KCNB2: variants seen among roughly 807,000 people sequenced by gnomAD.
KCNB2 encodes delayed rectifier potassium channel protein.
KCNB2 carries 15 observed loss-of-function variants against 61.5 expected under a neutral mutation model. That is an observed-to-expected ratio of 0.24 (90% CI 0.16 to 0.38). KCNB2 has a LOEUF of 0.38. Ranked by LOEUF, KCNB2 falls within the 10% of genes least tolerant of loss-of-function variation. The pLI is 1.00. For missense variants in KCNB2, 828 were observed against 1,125.2 expected (o/e 0.74, Z 3.78); for synonymous variants, 457 against 446.0 (o/e 1.02, Z -0.31).
intron 2 of KCNB2, among the ~76,000 whole-genome samples, chr8:72,782,671 C>A (rs1167863232): frequency 2.0e-5 from 3 of 152,258 alleles, no homozygotes; most frequent in South Asian, 2.1e-4. Context: ...TTTCCATCCA[C>A]TTTTTCTGAA....
intron 2 of KCNB2, among the ~76,000 whole-genome samples, chr8:72,761,532 C>A (rs1179800385): frequency 2.0e-5 from 3 of 152,148 alleles, no homozygotes. Context: ...TTGCTGGAAC[C>A]TTCAGGGAGG....
intron 2 of KCNB2, among the ~76,000 whole-genome samples, chr8:72,921,406 A>C (rs13276074): frequency 6.6e-6 from 1 of 151,914 alleles, no homozygotes; most frequent in South Asian, 2.1e-4. Flanking sequence ...CTGCCACCAC[A>C]TTTCAGCAGG....
At chr8:72,610,720 TA>T (rs1805524164) in intron 2 of KCNB2, among the ~76,000 whole-genome samples, 1 of 152,178 alleles carries the variant, frequency 6.6e-6, no homozygotes, top group Non-Finnish European at 1.5e-5. Flanking sequence ...CAGACATCAT[TA>T]AATTAAAAAC....
At chr8:72,595,786 C>T (rs918789511) in intron 2 of KCNB2, among the ~76,000 whole-genome samples, 4 of 152,172 alleles carry the variant, frequency 2.6e-5, no homozygotes, top group African/African-American at 7.2e-5. Flanking sequence ...ATTTAATGGT[C>T]TCAAGCAGGA....
intron 2 of KCNB2, among the ~76,000 whole-genome samples, chr8:72,763,543 A>G (rs551247736): frequency 9.9e-4 from 151 of 152,298 alleles, no homozygotes; most frequent in African/African-American, 3.4e-3. Flanking sequence ...CATTTGCTGA[A>G]ACACAAAACC....
chr8:72,916,951 A>T (rs1277198192), intron 2 of KCNB2, among the ~76,000 whole-genome samples: 3 of 152,084 alleles, frequency 2.0e-5, no homozygotes, highest in Non-Finnish European at 2.9e-5. Flanking sequence ...ACGATGGGAG[A>T]TGGGGCAGAC....
intron 2 of KCNB2, among the ~76,000 whole-genome samples, chr8:72,575,420 C>T (rs1423526395): frequency 6.6e-6 from 1 of 151,962 alleles, no homozygotes. Context: ...ATTTTGAATG[C>T]CACTGATATT....
chr8:72,566,507 C>T (rs1015157845), intron 1 of KCNB2, among the ~76,000 whole-genome samples: 4 of 150,224 alleles, frequency 2.7e-5, no homozygotes, highest in African/African-American at 9.8e-5. Context: ...TCAGACCAGC[C>T]TGGGAAATAT....
At chr8:72,610,707 A>G (rs770689876) in intron 2 of KCNB2, among the ~76,000 whole-genome samples, 1 of 152,216 alleles carries the variant, frequency 6.6e-6, no homozygotes, top group Admixed American at 6.5e-5. Flanking sequence ...TGGTTACGGA[A>G]TTCAGACATC....
In KCNB2 at chr8:72,904,299, T is replaced by C. The variant is rs375253157; in HGVS notation, c.580-31636T>C. Among the ~76,000 whole-genome samples the C allele has an allele frequency of 7.2e-5, 11 of 152,294 alleles. No homozygotes were observed. The East Asian group carries it at 1.2e-3, about 16-fold the overall frequency. On this transcript the variant is annotated intron_variant, in intron 2 of 2. Transcript: ENST00000523207. ...AGTTATTCACTTTTCTGTATAATAT[T>C]AACTTCACCCCATTTTTCCTCTGCA...
intron 1 of KCNB2, among the ~76,000 whole-genome samples, chr8:72,567,057 C>T (rs531969856): frequency 4.7e-4 from 71 of 152,080 alleles, no homozygotes; most frequent in African/African-American, 1.6e-3. Context: ...TGCAGCGGCT[C>T]ACCCTGTAAT....
At chr8:72,933,415 T>C (rs558576070) in intron 2 of KCNB2, among the ~76,000 whole-genome samples, 3 of 152,316 alleles carry the variant, frequency 2.0e-5, no homozygotes, top group Admixed American at 1.3e-4. Context: ...TCTACTTCTC[T>C]CCTCTCTTTG....
At chr8:72,587,381 G>A (rs894572655) in intron 2 of KCNB2, among the ~76,000 whole-genome samples, 8 of 152,078 alleles carry the variant, frequency 5.3e-5, no homozygotes, top group African/African-American at 1.9e-4. Context: ...AAGAAGCAGC[G>A]AATGACTTTG....
At chr8:72,684,175 A>G (rs1806809732) in intron 2 of KCNB2, among the ~76,000 whole-genome samples, 2 of 152,216 alleles carry the variant, frequency 1.3e-5, no homozygotes, top group African/African-American at 4.8e-5. Context: ...ATTGACCATG[A>G]GACATGAAGA....
rs530595301 is a variant in KCNB2 at position 72,639,280 on chromosome 8, A to C, written c.579+70967A>C. 2.0e-5 allele frequency among the ~76,000 whole-genome samples: 3 copies of C among 152,274 alleles called. No homozygotes were observed. The South Asian group carries it at 6.2e-4, about 32-fold the overall frequency. On this transcript the variant is annotated intron_variant, in intron 2 of 2. Coordinates refer to ENST00000523207, the MANE Select transcript of KCNB2 (RefSeq NM_004770.3). Reference sequence around the variant, plus strand: ...TGACCCAGCATGTTCTACCACCCACAGCAAAAGCACAGAAATATAACCAGC... The same window carrying C: ...TGACCCAGCATGTTCTACCACCCACCGCAAAAGCACAGAAATATAACCAGC...
Position 72,915,213 on chromosome 8 carries a change from C to T in KCNB2, c.580-20722C>T, listed in dbSNP as rs1295902633. Among the ~76,000 whole-genome samples the T allele has an allele frequency of 3.3e-5, 5 of 152,194 alleles. No homozygotes were observed. The East Asian group carries it at 7.7e-4, about 24-fold the overall frequency. ...CTGGGATTACAGGCATGAGCCACTG[C>T]GCCGAGCATGACTGATCTTTAAAAC... On this transcript the variant is annotated intron_variant, in intron 2 of 2. Transcript: ENST00000523207.
chr8:72,598,782 T>C (rs1432012753), intron 2 of KCNB2, among the ~76,000 whole-genome samples: 1 of 152,110 alleles, frequency 6.6e-6, no homozygotes, highest in Non-Finnish European at 1.5e-5. Context: ...TGTGCAAAAA[T>C]CACAAGCATT....
At chr8:72,723,981 A>G (rs879622487) in intron 2 of KCNB2, among the ~76,000 whole-genome samples, 4 of 152,040 alleles carry the variant, frequency 2.6e-5, no homozygotes, top group East Asian at 1.9e-4. Flanking sequence ...TGAGTAACCA[A>G]TTTCTCCCTG....
intron 2 of KCNB2, among the ~76,000 whole-genome samples, chr8:72,678,354 T>G (rs1806695618): frequency 6.6e-6 from 1 of 152,186 alleles, no homozygotes. Flanking sequence ...GTTACTTCCA[T>G]CCAAAGTCTT....
Sources: gnomAD v4.1 joint callset for allele counts (sites outside exome capture counted in the v4.1 genomes callset) on GRCh38, gnomAD v4.1.1 for gene constraint, MANE v1.5 for transcripts, NCBI Gene and HGNC (gene_info 2026-07-23, HGNC 2026-07-21) for gene names.